AGTPBP1: variants seen among roughly 807,000 people sequenced by gnomAD.
AGTPBP1 encodes the protein ATP/GTP binding carboxypeptidase 1.
In AGTPBP1, 70 loss-of-function variants were observed where a neutral mutation model predicts 143.9. The observed-to-expected ratio is 0.49, with a 90% CI of 0.40 to 0.59. AGTPBP1 has a LOEUF of 0.59. AGTPBP1 is among the 20% of genes least tolerant of loss of function. AGTPBP1 has a pLI of 0.00. For missense variants in AGTPBP1, 1,229 were observed against 1,464.5 expected, an observed-to-expected ratio of 0.84 and a Z score of 2.62; for synonymous variants, 463 against 500.2, an observed-to-expected ratio of 0.93 and a Z score of 0.99.
chr9:85,686,235 C>T (rs1397242971), intron 3 of AGTPBP1, among the ~76,000 whole-genome samples: 3 of 151,618 alleles, frequency 2.0e-5, no homozygotes, highest in Non-Finnish European at 4.4e-5. Context: ...TTCAATGACA[C>T]AAAAAGGCTG....
rs145174994 is a variant in AGTPBP1, at chr9:85,588,375, G to A, written c.2826C>T (p.Pro942=). The change falls in exon 21 of 26, where the codon CCC becomes CCT. Residue 942 remains proline, a synonymous_variant. Coordinates refer to ENST00000357081, the MANE Select transcript of AGTPBP1 (RefSeq NM_001330701.2). ...GTLEYLMSNN[P]TAQSLRESYI... is the part of the protein sequence containing the mutation. ...AAGATTCTCGTAAGCTCTGAGCAGT[G>A]GGGTTATTGCTCATGAGATATTCCA... The A allele has an allele frequency of 1.9e-6, 3 of 1,613,274 alleles. No homozygotes were observed. The highest frequency in any genetic ancestry group is 1.7e-5 in the Admixed American group (1 of 59,932).
chr9:85,577,610 A>G (rs1341390749), intron 24 of AGTPBP1, among the ~76,000 whole-genome samples: 2 of 152,202 alleles, frequency 1.3e-5, no homozygotes, highest in African/African-American at 2.4e-5. Flanking sequence ...TTGGAAGATC[A>G]CACTGTGATC....
At chr9:85,787,159 T>C in the AGTPBP1 span, among the ~76,000 whole-genome samples, 1 of 152,212 alleles carries the variant, frequency 6.6e-6, no homozygotes, top group Admixed American at 6.5e-5. Flanking sequence ...GTTCTGTTTC[T>C]GGAAATTTTT....
intron 3 of AGTPBP1, among the ~76,000 whole-genome samples, chr9:85,684,772 C>G (rs1371874978): frequency 1.3e-5 from 2 of 152,034 alleles, no homozygotes; most frequent in Non-Finnish European, 2.9e-5. Context: ...TAAATATAAT[C>G]CTTCCCAGTT....
At chr9:85,783,716 C>G in the AGTPBP1 span, among the ~76,000 whole-genome samples, 1 of 152,044 alleles carries the variant, frequency 6.6e-6, no homozygotes, top group Non-Finnish European at 1.5e-5. Context: ...CTCACTGCAG[C>G]CTCTACCTCC....
chr9:85,677,899 G>A (rs1379621537), intron 5 of AGTPBP1, among the ~76,000 whole-genome samples: 1 of 152,120 alleles, frequency 6.6e-6, no homozygotes, highest in African/African-American at 2.4e-5. Context: ...AGCTACTTGG[G>A]AGTCTGAGGC....
chr9:85,589,501 T>G (rs1258825861), intron 20 of AGTPBP1, 27 bp downstream of exon 20: 3 of 1,586,380 alleles, frequency 1.9e-6, no homozygotes, highest in Admixed American at 1.8e-5. Flanking sequence ...GAATGACTGC[T>G]ATTGTGAGTT....
the AGTPBP1 span, among the ~76,000 whole-genome samples, chr9:85,769,667 T>G: frequency 3.9e-5 from 6 of 152,154 alleles, no homozygotes; most frequent in African/African-American, 1.4e-4. Flanking sequence ...AGGAATCTTA[T>G]GAAATATTTC....
chr9:85,702,519 A>G (rs1442252706), intron 2 of AGTPBP1, among the ~76,000 whole-genome samples: 2 of 148,886 alleles, frequency 1.3e-5, no homozygotes, highest in Admixed American at 1.3e-4. Context: ...CTCTCAATTT[A>G]TCTGTTTCTG....
chr9:85,775,381 C>T, the AGTPBP1 span, among the ~76,000 whole-genome samples: 22 of 151,080 alleles, frequency 1.5e-4, no homozygotes, highest in South Asian at 4.2e-4. Context: ...CTGGGTGCAG[C>T]GGCTCATGCC....
intron 1 of AGTPBP1, among the ~76,000 whole-genome samples, chr9:85,726,786 G>A (rs1023273418): frequency 6.6e-6 from 1 of 151,984 alleles, no homozygotes; most frequent in African/African-American, 2.4e-5. Flanking sequence ...ACAGAATAAA[G>A]ATTTTGTTTT....
At chr9:85,662,713 G>T (rs1833918957) in intron 8 of AGTPBP1, among the ~76,000 whole-genome samples, 1 of 151,900 alleles carries the variant, frequency 6.6e-6, no homozygotes, top group African/African-American at 2.4e-5. Context: ...ACATGCCTAG[G>T]GCCACATAAA....
intron 25 of AGTPBP1, among the ~76,000 whole-genome samples, chr9:85,573,177 C>T (rs578096409): frequency 6.3e-4 from 96 of 152,232 alleles, no homozygotes; most frequent in African/African-American, 2.3e-3. Context: ...TGTACTGCTG[C>T]CATCTCGGCT....
chr9:85,726,454 G>A (rs966035038), intron 1 of AGTPBP1, among the ~76,000 whole-genome samples: 2 of 152,104 alleles, frequency 1.3e-5, no homozygotes, highest in East Asian at 3.8e-4. Context: ...CCGATAATCC[G>A]ATGTGGTAAT....
intron 1 of AGTPBP1, among the ~76,000 whole-genome samples, chr9:85,718,409 C>A (rs1837863337): frequency 6.6e-6 from 1 of 152,188 alleles, no homozygotes; most frequent in Non-Finnish European, 1.5e-5. Context: ...TTGCATTTCT[C>A]TGATGACCAG....
At chr9:85,628,348 T>C (rs1198944558) in intron 14 of AGTPBP1, among the ~76,000 whole-genome samples, 1 of 152,164 alleles carries the variant, frequency 6.6e-6, no homozygotes, top group African/African-American at 2.4e-5. Flanking sequence ...TGTTGGCAAA[T>C]ATGGCAGGAA....
intron 14 of AGTPBP1, among the ~76,000 whole-genome samples, chr9:85,624,238 T>G (rs1020638127): frequency 3.3e-5 from 5 of 152,158 alleles, no homozygotes; most frequent in African/African-American, 1.2e-4. Flanking sequence ...TCATCTTCTT[T>G]ACAGAGAGTA....
intron 20 of AGTPBP1, 62 bp downstream of exon 20, chr9:85,589,466 G>T: frequency 6.5e-7 from 1 of 1,527,388 alleles, no homozygotes; most frequent in South Asian, 1.3e-5. Context: ...TATAAAATAC[G>T]GTTAAAGCAA....
At chr9:85,610,046 T>C (rs1189229809) in intron 17 of AGTPBP1, among the ~76,000 whole-genome samples, 1 of 152,160 alleles carries the variant, frequency 6.6e-6, no homozygotes, top group South Asian at 2.1e-4. Context: ...TAATCCATTC[T>C]AGGGAGGCAG....
Sources: allele counts gnomAD v4.1 joint callset (sites outside exome capture counted in the v4.1 genomes callset), GRCh38; gene constraint gnomAD v4.1.1; transcripts MANE v1.5; gene names NCBI Gene and HGNC (gene_info 2026-07-23, HGNC 2026-07-21).